ZNF385B: variants seen among roughly 807,000 people sequenced by gnomAD.
ZNF385B encodes zinc finger protein 533.
ZNF385B carries 23 observed loss-of-function variants against 39.2 expected under a neutral mutation model. That is an observed-to-expected ratio of 0.59 (90% CI 0.42 to 0.83). The LOEUF (loss-of-function observed/expected upper bound fraction) is 0.83, where lower values mean the gene tolerates loss of function less well. Ranked by LOEUF, ZNF385B falls within the 40% of genes least tolerant of loss-of-function variation. The pLI is 0.00. For synonymous variants in ZNF385B, 205 were observed against 222.6 expected (o/e 0.92, Z 0.70); for missense variants, 552 against 598.9 (o/e 0.92, Z 0.82).
intron 3 of ZNF385B, among the ~76,000 whole-genome samples, chr2:179,611,119 A>G (rs1689252385): frequency 6.6e-6 from 1 of 152,142 alleles, no homozygotes; most frequent in South Asian, 2.1e-4. Flanking sequence ...TTCATGTTCC[A>G]TATTTTAGAG....
chr2:179,859,358 A>G (rs750369401), intron 1 of ZNF385B, among the ~76,000 whole-genome samples: 45 of 152,022 alleles, frequency 3.0e-4, no homozygotes, highest in Admixed American at 6.5e-5. Flanking sequence ...AAATATCAAC[A>G]TTTTTTTCAA....
At chr2:179,666,370 A>G (rs1209966629) in intron 3 of ZNF385B, among the ~76,000 whole-genome samples, 1 of 152,220 alleles carries the variant, frequency 6.6e-6, no homozygotes, top group Non-Finnish European at 1.5e-5. Context: ...TAAATTAGCT[A>G]TAAAATATTT....
At chr2:179,477,245 A>C (rs1339830663) in intron 6 of ZNF385B, among the ~76,000 whole-genome samples, 1 of 152,184 alleles carries the variant, frequency 6.6e-6, no homozygotes, top group Non-Finnish European at 1.5e-5. Flanking sequence ...ATGGTGGAAA[A>C]ACCTTAGACA....
intron 1 of ZNF385B, among the ~76,000 whole-genome samples, chr2:179,775,040 A>T (rs551702189): frequency 4.9e-4 from 74 of 152,326 alleles, no homozygotes; most frequent in African/African-American, 1.7e-3. Context: ...CTATGTTGAA[A>T]TGCCTTGTAC....
intron 3 of ZNF385B, among the ~76,000 whole-genome samples, chr2:179,697,575 T>C (rs1269615829): frequency 1.3e-5 from 2 of 152,190 alleles, no homozygotes; most frequent in Non-Finnish European, 2.9e-5. Flanking sequence ...AATGTGAGAA[T>C]GGACTAATAC....
At chr2:179,662,727 A>G (rs1386406285) in intron 3 of ZNF385B, among the ~76,000 whole-genome samples, 1 of 152,124 alleles carries the variant, frequency 6.6e-6, no homozygotes. Context: ...TTTTTAAAAT[A>G]CTTGCTTTAT....
chr2:179,801,303 C>T (rs1190229257), intron 1 of ZNF385B, among the ~76,000 whole-genome samples: 1 of 152,018 alleles, frequency 6.6e-6, no homozygotes, highest in South Asian at 2.1e-4. Flanking sequence ...AAGTATTTTC[C>T]AGTGCTTTAG....
chr2:179,659,821 T>C (rs535963050), intron 3 of ZNF385B, among the ~76,000 whole-genome samples: 1 of 152,304 alleles, frequency 6.6e-6, no homozygotes, highest in African/African-American at 2.4e-5. Context: ...AATGTTATGC[T>C]GATTTTAATG....
intron 6 of ZNF385B, among the ~76,000 whole-genome samples, chr2:179,459,995 TA>T (rs772700752): frequency 2.0e-5 from 3 of 151,732 alleles, no homozygotes; most frequent in African/African-American, 4.8e-5. Flanking sequence ...TCCCAGCTAC[TA>T]GGGGGGCTGA....
intron 5 of ZNF385B, among the ~76,000 whole-genome samples, chr2:179,495,378 A>T (rs1385106836): frequency 6.6e-6 from 1 of 152,226 alleles, no homozygotes. Flanking sequence ...TTTTGACTCT[A>T]GTACTCAACT....
chr2:179,717,349 C>T (rs965238734), intron 3 of ZNF385B, among the ~76,000 whole-genome samples: 1 of 152,118 alleles, frequency 6.6e-6, no homozygotes, highest in South Asian at 2.1e-4. Context: ...ATATTTTCCC[C>T]TGCTTAATGG....
chr2:179,638,251 C>A (rs116643219), intron 3 of ZNF385B, among the ~76,000 whole-genome samples: 4 of 152,222 alleles, frequency 2.6e-5, no homozygotes, highest in African/African-American at 4.8e-5. Flanking sequence ...AAAACAATGA[C>A]AACAAAACCC....
rs922839906 is a variant in ZNF385B at position 179,670,396 on chromosome 2, T to C, written c.298+99107A>G. 3.3e-4 allele frequency among the ~76,000 whole-genome samples: 50 copies of C among 151,586 alleles called. 1 individual carries two copies. Among genetic ancestry groups the C allele is most frequent in the East Asian group, 5.8e-4 (3 of 5,152 alleles). ...TGTGGAATTGGGAGGAGATGTACAGTAGCATGCTACTCTCTAGTACTTCCA... is the reference window on the plus strand; with the variant it reads ...TGTGGAATTGGGAGGAGATGTACAGCAGCATGCTACTCTCTAGTACTTCCA... On this transcript the variant is annotated intron_variant, in intron 3 of 9. Transcript: ENST00000410066.
rs1575346577 is a variant in ZNF385B at position 179,723,176 on chromosome 2, A to T, written c.298+46327T>A. On this transcript the variant is annotated intron_variant, in intron 3 of 9. Transcript: ENST00000410066. Reference sequence around the variant, plus strand: ...TCATTCATTCACTTAATATATAATAATTGACTATTTACAATGCATCTGGCA... The same window carrying T: ...TCATTCATTCACTTAATATATAATATTTGACTATTTACAATGCATCTGGCA... 7.2e-5 allele frequency among the ~76,000 whole-genome samples: 11 copies of T among 152,284 alleles called. No homozygotes were observed. The South Asian group carries it at 2.1e-3, about 29-fold the overall frequency.
chr2:179,778,868 G>A (rs1704502022), intron 1 of ZNF385B, among the ~76,000 whole-genome samples: 1 of 152,062 alleles, frequency 6.6e-6, no homozygotes, highest in Admixed American at 6.6e-5. Flanking sequence ...ACAAAAAAAG[G>A]TGAACCACAA....
intron 3 of ZNF385B, among the ~76,000 whole-genome samples, chr2:179,731,611 T>C (rs7574741): frequency 0.095 from 14,450 of 151,960 alleles, 773 homozygotes; most frequent in Non-Finnish European, 0.12. Context: ...CAGGGTGGAG[T>C]GTGGGCATGG....
intron 1 of ZNF385B, among the ~76,000 whole-genome samples, chr2:179,798,079 C>CT (rs1253416256): frequency 2.6e-5 from 4 of 151,982 alleles, no homozygotes; most frequent in Non-Finnish European, 2.9e-5. Flanking sequence ...ACGGAGGGAT[C>CT]TTTTTTTAAG....
At chr2:179,810,093 C>A (rs1706640873) in intron 1 of ZNF385B, among the ~76,000 whole-genome samples, 1 of 151,808 alleles carries the variant, frequency 6.6e-6, no homozygotes, top group Non-Finnish European at 1.5e-5. Flanking sequence ...ATAAATGTTA[C>A]TGAAATACTT....
intron 1 of ZNF385B, among the ~76,000 whole-genome samples, chr2:179,785,011 C>G (rs1051359025): frequency 6.6e-6 from 1 of 152,032 alleles, no homozygotes; most frequent in African/African-American, 2.4e-5. Context: ...AAGCACTACT[C>G]ATAATAGTTC....
Sources: gnomAD v4.1 joint callset for allele counts (sites outside exome capture counted in the v4.1 genomes callset) on GRCh38, gnomAD v4.1.1 for gene constraint, MANE v1.5 for transcripts, NCBI Gene and HGNC (gene_info 2026-07-23, HGNC 2026-07-21) for gene names.